AGAP1: variants seen among roughly 807,000 people sequenced by gnomAD.
AGAP1 encodes ArfGAP with GTPase domain, ankyrin repeat and PH domain 1, also known as arf-GAP with GTPase, ANK repeat and PH domain-containing protein 1.
A neutral mutation model predicts 105.3 loss-of-function variants in AGAP1; 29 were observed. The observed-to-expected ratio is 0.28, with a 90% CI of 0.21 to 0.38. The LOEUF (loss-of-function observed/expected upper bound fraction) is 0.38. Among genes scored for constraint, AGAP1 ranks in the 10% least tolerant of loss-of-function variants. The pLI is 1.00. For missense variants in AGAP1, 998 were observed against 1,165.1 expected, an observed-to-expected ratio of 0.86 and a Z score of 2.09; for synonymous variants, 509 against 485.9, an observed-to-expected ratio of 1.05 and a Z score of -0.63.
intron 1 of AGAP1, among the ~76,000 whole-genome samples, chr2:235,570,074 T>C (rs1226741792): frequency 6.6e-6 from 1 of 152,246 alleles, no homozygotes; most frequent in Non-Finnish European, 1.5e-5. Flanking sequence ...GTTTTTCTTT[T>C]TGAAGACGGA....
chr2:235,604,839 CCCAAAGTGCTGGGATTACAGG>C (rs1354752540), intron 1 of AGAP1, among the ~76,000 whole-genome samples: 6 of 151,934 alleles, frequency 3.9e-5, no homozygotes, highest in Non-Finnish European at 8.8e-5. Flanking sequence ...GCCTCTTCCT[CCCAAAGTGCTGGGATTACAGG>C]CGTGAGCCAT....
intron 1 of AGAP1, among the ~76,000 whole-genome samples, chr2:235,587,487 C>T (rs1945153436): frequency 6.6e-6 from 1 of 152,174 alleles, no homozygotes; most frequent in Non-Finnish European, 1.5e-5. Context: ...TGCGGTGGCT[C>T]ATGCCTGTAA....
At chr2:235,924,970 G>A (rs765729809) in intron 11 of AGAP1, among the ~76,000 whole-genome samples, 3 of 152,076 alleles carry the variant, frequency 2.0e-5, no homozygotes, top group Non-Finnish European at 4.4e-5. Flanking sequence ...ACTGAGGCCC[G>A]TGGAGAGCTG....
rs1236022072 is a variant in AGAP1, at chr2:236,076,833, C to G, written c.2114+27552C>G. Among the ~76,000 whole-genome samples the G allele has an allele frequency of 6.6e-6, 1 of 151,950 alleles. No individual in the cohort carries two copies. The highest frequency in any genetic ancestry group is 1.9e-4 in the East Asian group (1 of 5,162). ...ACAGAGTAGAAAAATAGTCCCAGCACAGGGTCTCATGCCTGTAATCCCAGC... is the reference window on the plus strand; with the variant it reads ...ACAGAGTAGAAAAATAGTCCCAGCAGAGGGTCTCATGCCTGTAATCCCAGC... On this transcript the variant is annotated intron_variant, in intron 16 of 17. Coordinates refer to ENST00000304032, the MANE Select transcript of AGAP1 (RefSeq NM_001037131.3). This position sits in a 1 kb window ranked among gnomAD's most constrained non-coding sequence, Gnocchi z 4.4.
In AGAP1 at chr2:236,109,839, C is replaced by T. The variant is rs932280228; in HGVS notation, c.2115-10353C>T. 1.3e-5 allele frequency among the ~76,000 whole-genome samples: 2 copies of T among 152,258 alleles called. No homozygotes were observed. The highest frequency in any genetic ancestry group is 2.9e-5 in the Non-Finnish European group (2 of 68,044). On this transcript the variant is annotated intron_variant, in intron 16 of 17. Coordinates refer to ENST00000304032, the MANE Select transcript of AGAP1 (RefSeq NM_001037131.3). This position sits in a 1 kb window ranked among gnomAD's most constrained non-coding sequence, Gnocchi z 5.4. ...ACCCACGGGCAGCTTACAGCTGCCC[C>T]ATTGGGGGGCACACCTCTAGATTCT...
rs1482093522 is a variant in AGAP1 at position 235,874,668 on chromosome 2, G to A, written c.1051-8677G>A. Among the ~76,000 whole-genome samples, 3 of 152,134 alleles carry A rather than the reference G, an allele frequency of 2.0e-5. No individual in the cohort carries two copies. Among genetic ancestry groups the A allele is most frequent in the Non-Finnish European group, 2.9e-5 (2 of 68,028 alleles). On this transcript the variant is annotated intron_variant, in intron 9 of 17. Coordinates refer to ENST00000304032, the MANE Select transcript of AGAP1 (RefSeq NM_001037131.3). The surrounding 1 kb of genome is among the most constrained non-coding windows in gnomAD (Gnocchi z 4.5). ...TCCTTAGGGGTCAGGACAGGACTTC[G>A]TCATGTTTCTGGCTTTGCCTTCATC...
chr2:236,042,209 C>T lies in AGAP1; in HGVS notation c.1891+1368C>T, dbSNP rs368009251. ...AAGCAGGGAGGAGGCCAGCCAGGGT[C>T]GGCTTGGCCGGGAAGGGAGACAGGA... On this transcript the variant is annotated intron_variant, in intron 15 of 17. Transcript: ENST00000304032. The surrounding 1 kb of genome is among the most constrained non-coding windows in gnomAD (Gnocchi z 5.6). Among the ~76,000 whole-genome samples, 34 of 152,116 alleles carry T rather than the reference C, an allele frequency of 2.2e-4. No homozygotes were observed. The highest frequency in any genetic ancestry group is 1.5e-3 in the South Asian group (7 of 4,818).
rs908471534 is a variant in AGAP1 at position 235,953,145 on chromosome 2, C to A, written c.1484-15317C>A. Among the ~76,000 whole-genome samples the A allele has an allele frequency of 6.6e-6, 1 of 152,156 alleles. No homozygotes were observed. Among genetic ancestry groups the A allele is most frequent in the African/African-American group, 2.4e-5 (1 of 41,432 alleles). On this transcript the variant is annotated intron_variant, in intron 12 of 17. Transcript: ENST00000304032. This position sits in a 1 kb window ranked among gnomAD's most constrained non-coding sequence, Gnocchi z 5.2. ...CCCTTTTCATAATGAAACTTCCTGTCCACAGTTTAGGAGAGAGTCTTGAAA... is the reference window on the plus strand; with the variant it reads ...CCCTTTTCATAATGAAACTTCCTGTACACAGTTTAGGAGAGAGTCTTGAAA...
rs747782675 is a variant in AGAP1, at chr2:235,712,253, C to T, written c.222+3016C>T. Among the ~76,000 whole-genome samples, 12 of 152,192 alleles carry T rather than the reference C, an allele frequency of 7.9e-5. No homozygotes were observed. The highest frequency in any genetic ancestry group is 1.5e-4 in the Non-Finnish European group (10 of 68,030). On this transcript the variant is annotated intron_variant, in intron 2 of 17. Transcript: ENST00000304032. This position sits in a 1 kb window ranked among gnomAD's most constrained non-coding sequence, Gnocchi z 6.0. ...CAGGCTATGCTCAAACTCCTGACCT[C>T]GTCATCCGCCTGCCTTGGCCTCCCA...
chr2:236,015,328 A>T (rs1188900189), intron 13 of AGAP1, among the ~76,000 whole-genome samples: 4 of 152,148 alleles, frequency 2.6e-5, no homozygotes, highest in Non-Finnish European at 4.4e-5. Context: ...ATTCTCCATA[A>T]TGCTCTCTGC....
intron 1 of AGAP1, among the ~76,000 whole-genome samples, chr2:235,532,076 G>C (rs557613793): frequency 1.3e-4 from 20 of 152,312 alleles, no homozygotes; most frequent in African/African-American, 4.8e-4. Flanking sequence ...GCAGGAAATA[G>C]TTTAACTTTT....
chr2:236,097,902 G>A (rs960704712), intron 16 of AGAP1, among the ~76,000 whole-genome samples: 4 of 152,138 alleles, frequency 2.6e-5, no homozygotes, highest in South Asian at 2.1e-4. Context: ...TCATGTGAGT[G>A]GAATCTTATA....
chr2:235,948,589 G>A (rs2053600012), intron 12 of AGAP1, among the ~76,000 whole-genome samples: 1 of 152,206 alleles, frequency 6.6e-6, no homozygotes, highest in Non-Finnish European at 1.5e-5. Flanking sequence ...TTTGGCAGTA[G>A]GGATGTTTAG....
rs1196256385 is a variant in AGAP1, at chr2:236,062,740, C to T, written c.2114+13459C>T. On this transcript the variant is annotated intron_variant, in intron 16 of 17. Transcript: ENST00000304032. The surrounding 1 kb of genome is among the most constrained non-coding windows in gnomAD (Gnocchi z 4.2). Reference sequence around the variant, plus strand: ...GCAGTGGAGCAATCTTGGCTCACTGCAACCTCCACCTCCTGGGTTCAAGCA... The same window carrying T: ...GCAGTGGAGCAATCTTGGCTCACTGTAACCTCCACCTCCTGGGTTCAAGCA... 2.0e-5 allele frequency among the ~76,000 whole-genome samples: 3 copies of T among 152,196 alleles called. No homozygotes were observed. The highest frequency in any genetic ancestry group is 4.4e-5 in the Non-Finnish European group (3 of 68,032).
At chr2:236,098,135 G>C (rs920381867) in intron 16 of AGAP1, among the ~76,000 whole-genome samples, 1 of 152,152 alleles carries the variant, frequency 6.6e-6, no homozygotes. Context: ...GAATAATGCT[G>C]CTGTGAACGT....
chr2:235,773,665 A>G (rs537067246), intron 6 of AGAP1, among the ~76,000 whole-genome samples: 1 of 152,282 alleles, frequency 6.6e-6, no homozygotes, highest in African/African-American at 2.4e-5. Context: ...ATCCTTTTAA[A>G]TAATAGCGCC....
At chr2:235,678,117 C>T (rs1157118229) in intron 1 of AGAP1, among the ~76,000 whole-genome samples, 1 of 152,130 alleles carries the variant, frequency 6.6e-6, no homozygotes, top group Non-Finnish European at 1.5e-5. Flanking sequence ...TTTTGCTCCT[C>T]TGGTGCCAAT....
chr2:235,590,684 T>TGTGTGCGC (rs1424245324), intron 1 of AGAP1, among the ~76,000 whole-genome samples: 2 of 102,652 alleles, frequency 1.9e-5, no homozygotes, highest in African/African-American at 4.1e-5. Context: ...TGTGTGTGTG[T>TGTGTGCGC]GCGTGTGCGT....
intron 1 of AGAP1, among the ~76,000 whole-genome samples, chr2:235,499,350 G>A (rs1216351711): frequency 6.6e-6 from 1 of 152,220 alleles, no homozygotes; most frequent in Non-Finnish European, 1.5e-5. Flanking sequence ...TTGTTTTCAT[G>A]TGGAAATGTA....
Sources: gnomAD v4.1 joint callset for allele counts (sites outside exome capture counted in the v4.1 genomes callset) on GRCh38, gnomAD v4.1.1 for gene constraint, Gnocchi (gnomAD v3.1) non-coding constraint, MANE v1.5 for transcripts, NCBI Gene and HGNC (gene_info 2026-07-23, HGNC 2026-07-21) for gene names.